Variants in C12orf75 observed in about 807,000 individuals in gnomAD.
C12orf75 encodes overexpressed in colon carcinoma 1 protein.
A neutral mutation model predicts 11.4 loss-of-function variants in C12orf75; 4 were observed. The observed-to-expected ratio is 0.35, with a 90% CI of 0.17 to 0.80. The LOEUF (loss-of-function observed/expected upper bound fraction) is 0.80, where lower values mean the gene tolerates loss of function less well. C12orf75 is among the 30% of genes least tolerant of loss of function. The probability of loss-of-function intolerance (pLI) is 0.52; values close to 1 mark genes in which losing one functional copy is unlikely to be tolerated. For synonymous variants in C12orf75, 30 were observed against 30.0 expected, an observed-to-expected ratio of 1.00 and a Z score of 0.00; for missense variants, 89 against 80.4, an observed-to-expected ratio of 1.11 and a Z score of -0.41.
chr12:105,340,468 C>T (rs1328555552), intron 1 of C12orf75, among the ~76,000 whole-genome samples: 1 of 150,136 alleles, frequency 6.7e-6, no homozygotes, highest in Non-Finnish European at 1.5e-5. Context: ...AGTGCAGTAT[C>T]TTGTAGCTGG....
chr12:105,337,041 G>A (rs1463720937), intron 1 of C12orf75, among the ~76,000 whole-genome samples: 1 of 152,168 alleles, frequency 6.6e-6, no homozygotes, highest in Admixed American at 6.5e-5. Context: ...AAACCAGCAC[G>A]GGCCGGGCAC....
Position 105,330,902 on chromosome 12 carries a change from G to A in C12orf75, c.11G>A (p.Gly4Glu). Residue 4 changes from glycine (G) to glutamate (E), a missense_variant, in exon 1 of 6, where the codon GGG becomes GAG. By Grantham distance (98) the Gly-to-Glu change is moderately conservative. Transcript: ENST00000443585. MGC[G>E]NSTATSAGAG... ...CCGGCCGGCTGCGCGATGGGCTGCGGGAACTCCACCGCCACCAGCGCGGGC... is the reference window on the plus strand; with the variant it reads ...CCGGCCGGCTGCGCGATGGGCTGCGAGAACTCCACCGCCACCAGCGCGGGC... 1 of 1,247,000 alleles carries A rather than the reference G, an allele frequency of 8.0e-7. No individual in the cohort carries two copies. The highest frequency in any genetic ancestry group is 1.0e-6 in the Non-Finnish European group (1 of 997,764). 77.2% of individuals were successfully genotyped at this position (1,247,000 alleles called of 1,614,324 possible).
chr12:105,368,562 A>G (rs1314269194), intron 5 of C12orf75, among the ~76,000 whole-genome samples: 2 of 152,208 alleles, frequency 1.3e-5, no homozygotes, highest in East Asian at 1.9e-4. Flanking sequence ...CCACCATACT[A>G]TTAATTTTTT....
intron 5 of C12orf75, among the ~76,000 whole-genome samples, chr12:105,369,939 A>G (rs1438323965): frequency 2.6e-5 from 4 of 152,152 alleles, no homozygotes; most frequent in African/African-American, 9.7e-5. Flanking sequence ...AAAGAATTGG[A>G]GACACTTTTG....
chr12:105,350,314 T>A (rs1892695226), intron 2 of C12orf75, among the ~76,000 whole-genome samples: 1 of 152,208 alleles, frequency 6.6e-6, no homozygotes, highest in Admixed American at 6.5e-5. Context: ...TCAAACCGAC[T>A]GGCTCGCATG....
intron 2 of C12orf75, among the ~76,000 whole-genome samples, chr12:105,362,879 T>C (rs988765559): frequency 1.3e-5 from 2 of 152,164 alleles, no homozygotes; most frequent in African/African-American, 4.8e-5. Context: ...TCTTGCAAGA[T>C]TGTATAAGGA....
chr12:105,365,442 G>T (rs1047237766), intron 2 of C12orf75, among the ~76,000 whole-genome samples: 8 of 152,146 alleles, frequency 5.3e-5, no homozygotes, highest in Non-Finnish European at 7.4e-5. Context: ...CTGGCAGCTC[G>T]CCCACAGCCT....
intron 1 of C12orf75, among the ~76,000 whole-genome samples, chr12:105,345,833 A>G (rs1328847429): frequency 2.1e-5 from 3 of 144,284 alleles, no homozygotes; most frequent in African/African-American, 7.6e-5. Context: ...TAATTTTTGT[A>G]TTTTTTTTTT....
Position 105,330,716 on chromosome 12 carries a change from C to A in C12orf75, c.-176C>A, listed in dbSNP as rs1405053515. The A allele has an allele frequency of 5.9e-6, 3 of 504,960 alleles. No individual in the cohort carries two copies. The highest frequency in any genetic ancestry group is 8.5e-6 in the Non-Finnish European group (3 of 353,376). The allele number at this position is 504,960 out of a possible 1,614,324, so 31.3% of individuals were successfully genotyped here. A position where few individuals can be genotyped will look rare whatever the true frequency, so the allele number is the denominator to read the frequency against. ...GGTTTCCGCCCGGCAGCCCGCAGCC[C>A]GCTGCGCCCCGGGCCGCGTCTCCCG... On this transcript the variant is annotated 5_prime_UTR_variant, in exon 1 of 6. Coordinates refer to ENST00000443585, the MANE Select transcript of C12orf75 (RefSeq NM_001145199.2).
Position 105,365,423 on chromosome 12 carries a change from A to C in C12orf75, c.72-384A>C, listed in dbSNP as rs898258270. Among the ~76,000 whole-genome samples, 4 of 152,228 alleles carry C rather than the reference A, an allele frequency of 2.6e-5. No individual in the cohort carries two copies. In the South Asian group the frequency reaches 8.3e-4, roughly 31 times the overall value. On this transcript the variant is annotated intron_variant, in intron 2 of 5. Coordinates refer to ENST00000443585, the MANE Select transcript of C12orf75 (RefSeq NM_001145199.2). ...GGTCAACCAGCTTATTTTACAAATG[A>C]GACACAGGCTGGCAGCTCGCCCACA...
At chr12:105,356,693 T>C (rs1167195794) in intron 2 of C12orf75, among the ~76,000 whole-genome samples, 1 of 152,190 alleles carries the variant, frequency 6.6e-6, no homozygotes, top group Non-Finnish European at 1.5e-5. Context: ...TCCTTGATCA[T>C]GACATGGTTC....
At chr12:105,368,940 A>G (rs771230185) in intron 5 of C12orf75, among the ~76,000 whole-genome samples, 12 of 152,154 alleles carry the variant, frequency 7.9e-5, no homozygotes, top group African/African-American at 9.7e-5. Flanking sequence ...AGCCCTCCAT[A>G]TAGATTTCTG....
rs1892671845 is a variant in C12orf75 at position 105,348,633 on chromosome 12, AT to A, written c.71+9del. 6 of 1,529,074 alleles carry A rather than the reference AT, an allele frequency of 3.9e-6. No homozygotes were observed. Among genetic ancestry groups the A allele is most frequent in the Non-Finnish European group, 5.3e-6 (6 of 1,131,802 alleles). The allele number at this position is 1,529,074 out of a possible 1,614,324, so 94.7% of individuals were successfully genotyped here. ...CAGGAGCAGCCAAAGATGTGTAAGT[AT>A]TGAATATTAATGATTTTATAAGCTG... On this transcript the variant is annotated splice_region_variant and intron_variant, in intron 2 of 5. Coordinates refer to ENST00000443585, the MANE Select transcript of C12orf75 (RefSeq NM_001145199.2).
intron 2 of C12orf75, among the ~76,000 whole-genome samples, chr12:105,357,538 C>T (rs185070266): frequency 3.3e-5 from 5 of 152,164 alleles, no homozygotes; most frequent in South Asian, 2.1e-4. Flanking sequence ...ATATGAGTTA[C>T]GGGGGTCACC....
chr12:105,366,600 G>C lies in C12orf75; in HGVS notation c.108-17G>C, dbSNP rs1426766200. 7.1e-7 allele frequency: 1 copy of C among 1,401,606 alleles called. No individual in the cohort carries two copies. The highest frequency in any genetic ancestry group is 1.4e-5 in the African/African-American group (1 of 70,150). The allele number at this position is 1,401,606 out of a possible 1,614,324, so 86.8% of individuals were successfully genotyped here. On this transcript the variant is annotated splice_polypyrimidine_tract_variant and intron_variant, in intron 3 of 5. Transcript: ENST00000443585. ...TAGATAGTACCATTTAAATTGGTTT[G>C]ATTTCTTTTTATCAAGAAACTATGG...
chr12:105,339,630 T>C (rs1477953379), intron 1 of C12orf75, among the ~76,000 whole-genome samples: 2 of 152,108 alleles, frequency 1.3e-5, no homozygotes, highest in African/African-American at 2.4e-5. Context: ...TTCTTTCTTT[T>C]TTTTTGAGAC....
At chr12:105,338,977 T>A (rs939811725) in intron 1 of C12orf75, among the ~76,000 whole-genome samples, 4 of 152,204 alleles carry the variant, frequency 2.6e-5, no homozygotes, top group Non-Finnish European at 5.9e-5. Context: ...ATTGACATAA[T>A]TTTATGTCAA....
intron 1 of C12orf75, among the ~76,000 whole-genome samples, chr12:105,340,137 C>T (rs891065413): frequency 6.6e-6 from 1 of 151,982 alleles, no homozygotes; most frequent in Non-Finnish European, 1.5e-5. Flanking sequence ...TAAAATTACT[C>T]AATGCAGGTG....
chr12:105,345,387 G>A lies in C12orf75; in HGVS notation c.47-3215G>A, dbSNP rs533943821. Among the ~76,000 whole-genome samples, 3 of 152,018 alleles carry A rather than the reference G, an allele frequency of 2.0e-5. No individual in the cohort carries two copies. In the South Asian group the frequency reaches 6.2e-4, roughly 32 times the overall value. ...CGCCTGTAATCCCAGCTACTCAGGA[G>A]GCTGAGGCAAGAAAATAGCTTGAAC... On this transcript the variant is annotated intron_variant, in intron 1 of 5. Coordinates refer to ENST00000443585, the MANE Select transcript of C12orf75 (RefSeq NM_001145199.2).
Sources: allele counts gnomAD v4.1 joint callset (sites outside exome capture counted in the v4.1 genomes callset), GRCh38; gene constraint gnomAD v4.1.1; transcripts MANE v1.5; gene names NCBI Gene and HGNC (gene_info 2026-07-23, HGNC 2026-07-21).